CSGALNACT1: variants seen among roughly 807,000 people sequenced by gnomAD.
CSGALNACT1 encodes the protein beta4GalNAcT-1.
A neutral mutation model predicts 51.0 loss-of-function variants in CSGALNACT1; 52 were observed. The observed-to-expected ratio is 1.02, with a 90% confidence interval of 0.82 to 1.29. The LOEUF (loss-of-function observed/expected upper bound fraction) is 1.29. Ranked by LOEUF, CSGALNACT1 falls within the 50% of genes most tolerant of loss-of-function variation. CSGALNACT1 has a pLI of 0.00. For synonymous variants in CSGALNACT1, 341 were observed against 254.4 expected (o/e 1.34, Z -3.24); for missense variants, 935 against 679.2 (o/e 1.38, Z -4.19).
intron 1 of CSGALNACT1, among the ~76,000 whole-genome samples, chr8:19,637,088 C>CT (rs2056173785): frequency 6.6e-6 from 1 of 152,076 alleles, no homozygotes; most frequent in South Asian, 2.1e-4. Flanking sequence ...TAATCCCTCA[C>CT]TTTACTACTC....
chr8:19,508,923 G>C (rs937389429), intron 3 of CSGALNACT1, among the ~76,000 whole-genome samples: 2 of 152,156 alleles, frequency 1.3e-5, no homozygotes, highest in African/African-American at 4.8e-5. Flanking sequence ...ATCTAGTTTG[G>C]CTTTTGAAAT....
intron 3 of CSGALNACT1, among the ~76,000 whole-genome samples, chr8:19,520,691 G>T (rs1025099760): frequency 6.6e-6 from 1 of 152,122 alleles, no homozygotes; most frequent in African/African-American, 2.4e-5. Flanking sequence ...TGTTCCCTCT[G>T]CATCAGTCTT....
At chr8:19,485,938 G>A (rs1460893332) in intron 4 of CSGALNACT1, among the ~76,000 whole-genome samples, 1 of 151,098 alleles carries the variant, frequency 6.6e-6, no homozygotes, top group Non-Finnish European at 1.5e-5. Context: ...GGCTAATTTT[G>A]TATTTTTAGT....
chr8:19,631,974 C>A (rs2055327417), intron 1 of CSGALNACT1, among the ~76,000 whole-genome samples: 1 of 152,180 alleles, frequency 6.6e-6, no homozygotes. Flanking sequence ...TAGGAAGAAG[C>A]TTTTTGCTGT....
intron 1 of CSGALNACT1, among the ~76,000 whole-genome samples, chr8:19,701,153 G>T (rs1355607619): frequency 9.3e-4 from 87 of 93,252 alleles, no homozygotes; most frequent in African/African-American, 1.1e-3. Flanking sequence ...TCTATTATCC[G>T]TTTTTTTTTT....
intron 3 of CSGALNACT1, among the ~76,000 whole-genome samples, chr8:19,581,812 T>C (rs1033529711): frequency 1.3e-5 from 2 of 152,246 alleles, no homozygotes; most frequent in Admixed American, 6.5e-5. Context: ...TATCTTGATA[T>C]GGTTACATTA....
At chr8:19,450,679 T>G (rs891815372) in intron 5 of CSGALNACT1, among the ~76,000 whole-genome samples, 5 of 152,084 alleles carry the variant, frequency 3.3e-5, no homozygotes, top group African/African-American at 1.2e-4. Context: ...GGCTGTAAAG[T>G]GATCTTTACA....
intron 2 of CSGALNACT1, among the ~76,000 whole-genome samples, chr8:19,600,483 G>C (rs531727283): frequency 6.6e-6 from 1 of 152,060 alleles, no homozygotes; most frequent in South Asian, 2.1e-4. Context: ...GCTCTCTTTT[G>C]TATCATCCAA....
chr8:19,738,641 G>T (rs2154249139), intron 1 of CSGALNACT1, among the ~76,000 whole-genome samples: 1 of 152,204 alleles, frequency 6.6e-6, no homozygotes, highest in Non-Finnish European at 1.5e-5. Flanking sequence ...TTTATACTAT[G>T]TATATTTTAC....
chr8:19,464,616 G>A (rs2066269702), intron 4 of CSGALNACT1, among the ~76,000 whole-genome samples: 1 of 152,132 alleles, frequency 6.6e-6, no homozygotes. Flanking sequence ...AGCAGTGGGT[G>A]AGTGAGCATG....
At chr8:19,585,537 C>A (rs541793649) in intron 3 of CSGALNACT1, among the ~76,000 whole-genome samples, 2 of 152,190 alleles carry the variant, frequency 1.3e-5, no homozygotes, top group East Asian at 1.9e-4. Flanking sequence ...CATTTGAGCT[C>A]TTTCTTGGAA....
intron 9 of CSGALNACT1, 82 bp from the exon 9 acceptor site, chr8:19,406,151 A>C (rs1480753622): frequency 2.0e-6 from 3 of 1,509,580 alleles, no homozygotes; most frequent in Non-Finnish European, 2.8e-6. Flanking sequence ...CAAACTTTTC[A>C]TTAAGACATG....
At chr8:19,424,083 A>G (rs1293921319) in intron 6 of CSGALNACT1, among the ~76,000 whole-genome samples, 2 of 152,116 alleles carry the variant, frequency 1.3e-5, no homozygotes, top group Non-Finnish European at 2.9e-5. Context: ...AGAAGGCAAC[A>G]TTGCTGGCTT....
rs76862415 is a variant in CSGALNACT1, at chr8:19,531,502, T to G, written c.-296-25372A>C. On this transcript the variant is annotated intron_variant, in intron 3 of 9. Transcript: ENST00000454498. ...CTTATTTACAAAATACTATCAAAAT[T>G]TACAATGCAATGGCATCTCCAAGTC... Among the ~76,000 whole-genome samples, 3 of 152,148 alleles carry G rather than the reference T, an allele frequency of 2.0e-5. No individual in the cohort carries two copies. In the East Asian group the frequency reaches 5.8e-4, roughly 29 times the overall value.
chr8:19,679,851 CTCTCA>C (rs1396842247), intron 1 of CSGALNACT1, among the ~76,000 whole-genome samples: 21 of 152,254 alleles, frequency 1.4e-4, no homozygotes, highest in African/African-American at 5.1e-4. Context: ...ACTTCACACA[CTCTCA>C]TCTCAATTTC....
chr8:19,683,787 G>T (rs775829999), upstream of CSGALNACT1, among the ~76,000 whole-genome samples: 4 of 151,790 alleles, frequency 2.6e-5, no homozygotes, highest in Non-Finnish European at 5.9e-5. Context: ...TGTAATAAAT[G>T]TAAGAAAAGT....
chr8:19,487,835 G>C (rs1468410919), intron 4 of CSGALNACT1, among the ~76,000 whole-genome samples: 2 of 152,066 alleles, frequency 1.3e-5, no homozygotes, highest in African/African-American at 2.4e-5. Flanking sequence ...AGGCAGCTTG[G>C]GGGTTTAGAA....
At chr8:19,680,136 G>T (rs1232081779) in intron 1 of CSGALNACT1, among the ~76,000 whole-genome samples, 1 of 152,156 alleles carries the variant, frequency 6.6e-6, no homozygotes, top group African/African-American at 2.4e-5. Flanking sequence ...TATTTCACTT[G>T]TAAACTACCT....
chr8:19,569,985 AG>A (rs1258884312), intron 3 of CSGALNACT1, among the ~76,000 whole-genome samples: 8 of 152,222 alleles, frequency 5.3e-5, no homozygotes, highest in African/African-American at 1.9e-4. Flanking sequence ...ATGAAGTTCA[AG>A]AGCAGGCAAA....
Sources: allele counts gnomAD v4.1 joint callset (sites outside exome capture counted in the v4.1 genomes callset), GRCh38; gene constraint gnomAD v4.1.1; transcripts MANE v1.5; gene names NCBI Gene and HGNC (gene_info 2026-07-23, HGNC 2026-07-21).